Variants in MYO1D observed in about 807,000 individuals in gnomAD.
The protein encoded by MYO1D is myosin ID.
In MYO1D, 83 loss-of-function variants were observed where a neutral mutation model predicts 122.0. The observed-to-expected ratio is 0.68, with a 90% CI of 0.57 to 0.82. The LOEUF is 0.82. Among genes scored for constraint, MYO1D ranks in the 40% least tolerant of loss-of-function variants. The pLI is 0.00. For missense variants in MYO1D, 1,157 were observed against 1,269.5 expected, an observed-to-expected ratio of 0.91 and a Z score of 1.35; for synonymous variants, 464 against 446.9, an observed-to-expected ratio of 1.04 and a Z score of -0.48.
intron 1 of MYO1D, among the ~76,000 whole-genome samples, chr17:32,822,573 G>T (rs896469669): frequency 3.3e-5 from 5 of 149,420 alleles, no homozygotes; most frequent in African/African-American, 1.2e-4. Flanking sequence ...CGGGGAGCGT[G>T]GGTGGGAACC....
At chr17:32,858,118 A>G (rs1392667917) in intron 1 of MYO1D, among the ~76,000 whole-genome samples, 1 of 152,242 alleles carries the variant, frequency 6.6e-6, no homozygotes, top group Admixed American at 6.5e-5. Context: ...TAGAGGCCAC[A>G]TAGACCAATA....
chr17:32,576,408 T>C (rs2087278782), intron 21 of MYO1D, among the ~76,000 whole-genome samples: 2 of 152,104 alleles, frequency 1.3e-5, no homozygotes, highest in African/African-American at 4.8e-5. Context: ...CTAACTGTAA[T>C]CTCTTATAAA....
At chr17:32,611,579 C>A (rs1162753141) in intron 20 of MYO1D, among the ~76,000 whole-genome samples, 1 of 152,204 alleles carries the variant, frequency 6.6e-6, no homozygotes, top group East Asian at 1.9e-4. Flanking sequence ...TGGCTTACAC[C>A]AGTAACCTCG....
At chr17:32,687,119 T>C (rs923953435) in intron 16 of MYO1D, among the ~76,000 whole-genome samples, 5 of 152,018 alleles carry the variant, frequency 3.3e-5, no homozygotes, top group Non-Finnish European at 7.4e-5. Context: ...ACTATTTTAT[T>C]TCCCCCTTAC....
intron 1 of MYO1D, among the ~76,000 whole-genome samples, chr17:32,856,640 CT>C (rs1447446681): frequency 7.9e-5 from 12 of 152,302 alleles, no homozygotes; most frequent in Non-Finnish European, 1.5e-4. Flanking sequence ...TTGCTGACCC[CT>C]CTCTTCTCAA....
At chr17:32,779,419 AG>A (rs150718649) in intron 2 of MYO1D, among the ~76,000 whole-genome samples, 3,796 of 151,616 alleles carry the variant, frequency 0.025, 154 homozygotes, top group African/African-American at 0.087. Flanking sequence ...ACCAATGAAA[AG>A]ATATTTACTA....
At chr17:32,787,564 G>A (rs1197594244) in intron 1 of MYO1D, among the ~76,000 whole-genome samples, 3 of 151,932 alleles carry the variant, frequency 2.0e-5, no homozygotes, top group African/African-American at 2.4e-5. Context: ...GACTACAGGC[G>A]CCCACCACCA....
chr17:32,658,986 A>G (rs1052380674), intron 17 of MYO1D, 129 bp downstream of exon 17: 2 of 900,566 alleles, frequency 2.2e-6, no homozygotes, highest in African/African-American at 1.7e-5. Flanking sequence ...CAAAACTGAA[A>G]ACATAAGGTA....
At chr17:32,609,033 G>A (rs1034100418) in intron 20 of MYO1D, among the ~76,000 whole-genome samples, 1 of 152,150 alleles carries the variant, frequency 6.6e-6, no homozygotes, top group African/African-American at 2.4e-5. Context: ...GGGAGTTTTT[G>A]GGGTATGGAA....
At chr17:32,519,901 TAAA>T (rs576868258) in intron 21 of MYO1D, among the ~76,000 whole-genome samples, 16,814 of 132,090 alleles carry the variant, frequency 0.13, 1,524 homozygotes, top group East Asian at 0.44. Flanking sequence ...TTTTTTTTTT[TAAA>T]AAAAAAAACC....
At chr17:32,625,290 A>G (rs888482917) in intron 20 of MYO1D, among the ~76,000 whole-genome samples, 13 of 152,240 alleles carry the variant, frequency 8.5e-5, no homozygotes, top group Non-Finnish European at 1.5e-4. Context: ...AATGAGAGAG[A>G]GAGAGAGAGC....
chr17:32,793,948 G>A (rs1418365891), intron 1 of MYO1D, among the ~76,000 whole-genome samples: 2 of 152,170 alleles, frequency 1.3e-5, no homozygotes, highest in Non-Finnish European at 2.9e-5. Context: ...ATACCAAGTC[G>A]TATTTTTATT....
chr17:32,640,449 A>G (rs973355046), intron 19 of MYO1D, among the ~76,000 whole-genome samples: 3 of 145,172 alleles, frequency 2.1e-5, no homozygotes, highest in Admixed American at 6.8e-5. Flanking sequence ...AGCATTAGGT[A>G]TATCTCCCAA....
At chr17:32,754,083 T>A (rs2089924096) in intron 11 of MYO1D, among the ~76,000 whole-genome samples, 1 of 152,196 alleles carries the variant, frequency 6.6e-6, no homozygotes, top group Non-Finnish European at 1.5e-5. Flanking sequence ...TGGGAACAAT[T>A]CAATTCAACT....
intron 19 of MYO1D, among the ~76,000 whole-genome samples, chr17:32,643,350 T>C (rs1276895973): frequency 6.6e-6 from 1 of 152,246 alleles, no homozygotes; most frequent in Non-Finnish European, 1.5e-5. Flanking sequence ...GATTTTTGCA[T>C]CGATGTTCAT....
At position 32,659,115 on chromosome 17, in the gene MYO1D, C is replaced by T. The variant is rs764491034; in HGVS notation, c.2345G>A (p.Arg782Lys). ...GCAGCACACAGCAGCACGTTCTTAC[C>T]TATTGAAAATCGTCTGCAGGGCCTC... ...FEEALQTIFN[R>K]WRASQLIKSI... Residue 782 changes from arginine to lysine, a missense_variant and splice_region_variant, in exon 17 of 22, where the codon AGA becomes AAA. By Grantham distance (26) the Arg-to-Lys change is conservative. Coordinates refer to ENST00000318217, the MANE Select transcript of MYO1D (RefSeq NM_015194.3). The T allele has an allele frequency of 2.5e-6, 4 of 1,613,496 alleles. No homozygotes were observed. The East Asian group carries it at 8.9e-5, about 36-fold the overall frequency.
At chr17:32,625,932 C>G (rs1204902434) in intron 20 of MYO1D, among the ~76,000 whole-genome samples, 1 of 152,208 alleles carries the variant, frequency 6.6e-6, no homozygotes, top group African/African-American at 2.4e-5. Context: ...GGATTAGGGG[C>G]TAGGTCACAC....
At chr17:32,495,984 T>G (rs1393652502) in intron 21 of MYO1D, 1 of 152,298 alleles carries the variant, frequency 6.6e-6, no homozygotes, top group African/African-American at 2.4e-5. Context: ...TGCTGGGCAG[T>G]GAACGCCAAG....
In MYO1D at chr17:32,720,967, G is replaced by A. The variant is rs1409227588; in HGVS notation, c.1913+56C>T. The A allele has an allele frequency of 3.7e-5, 56 of 1,532,964 alleles. No homozygotes were observed. In the East Asian group the frequency reaches 7.8e-4, roughly 21 times the overall value. 95.0% of individuals were successfully genotyped at this position (1,532,964 alleles called of 1,614,324 possible). ...AATATGTGCTGATGCACTATTGTAC[G>A]GGGAGGACTCCCTTATTCTCAGTGA... On this transcript the variant is annotated intron_variant, in intron 15 of 21. Coordinates refer to ENST00000318217, the MANE Select transcript of MYO1D (RefSeq NM_015194.3).
Sources: gnomAD v4.1 joint callset for allele counts (sites outside exome capture counted in the v4.1 genomes callset) on GRCh38, gnomAD v4.1.1 for gene constraint, MANE v1.5 for transcripts, NCBI Gene and HGNC (gene_info 2026-07-23, HGNC 2026-07-21) for gene names.